MSH6: variants seen among roughly 807,000 people sequenced by gnomAD.
MSH6 encodes the protein mutS homolog 6.
MSH6 carries 85 observed loss-of-function variants against 119.1 expected under a neutral mutation model. That is an observed-to-expected ratio of 0.71 (90% CI 0.60 to 0.85). The LOEUF is 0.85. MSH6 is among the 40% of genes least tolerant of loss of function. The pLI is 0.00. For missense variants in MSH6, 2,163 were observed against 1,655.3 expected (o/e 1.31, Z -5.32); for synonymous variants, 830 against 586.9 (o/e 1.41, Z -5.99).
At chr2:47,804,014 T>TA (rs1669794430) in intron 5 of MSH6, among the ~76,000 whole-genome samples, 2 of 152,236 alleles carry the variant, frequency 1.3e-5, no homozygotes, top group Non-Finnish European at 2.9e-5. Context: ...ATGAAAATGT[T>TA]ACAGGTTTAT....
intron 1 of MSH6, chr2:47,783,725 AG>A (rs906581547): frequency 1.2e-4 from 56 of 463,984 alleles, no homozygotes; most frequent in Non-Finnish European, 1.8e-4. Flanking sequence ...AGAGGGCTGC[AG>A]GGGAGACGCG....
chr2:47,787,780 G>T (rs899160096), intron 1 of MSH6, among the ~76,000 whole-genome samples: 1 of 152,098 alleles, frequency 6.6e-6, no homozygotes, highest in East Asian at 1.9e-4. Flanking sequence ...CCCCATGCCT[G>T]GCTAATTTTT....
At position 47,799,164 on chromosome 2, in the gene MSH6, C is replaced by G. The variant is rs1410933611; in HGVS notation, c.1181C>G (p.Ser394Cys). Reference sequence around the variant, plus strand: ...CCTGATCACCCCGATTTTGATGCATCTACACTCTATGTGCCTGAGGATTTC... The same window carrying G: ...CCTGATCACCCCGATTTTGATGCATGTACACTCTATGTGCCTGAGGATTTC... ...RRPDHPDFDA[S>C]TLYVPEDFLN... The change falls in exon 4 of 10, where the codon TCT (serine) becomes TGT (cysteine). Residue 394 changes from serine to cysteine, a missense_variant. Coordinates refer to ENST00000234420, the MANE Select transcript of MSH6 (RefSeq NM_000179.3). 1 of 1,614,176 alleles carries G rather than the reference C, an allele frequency of 6.2e-7. No homozygotes were observed. The highest frequency in any genetic ancestry group is 1.7e-5 in the Admixed American group (1 of 60,022).
chr2:47,801,361 G>GTTTTTTTTGTTT (rs1669577614), intron 4 of MSH6: 1 of 84,402 alleles, frequency 1.2e-5, no homozygotes, highest in Non-Finnish European at 2.0e-5. Flanking sequence ...CCTTTCTTCA[G>GTTTTTTTTGTTT]TTTTTTTTTT....
At chr2:47,794,742 A>G (rs954098131) in intron 2 of MSH6, among the ~76,000 whole-genome samples, 7 of 152,146 alleles carry the variant, frequency 4.6e-5, no homozygotes. Context: ...GGACAAACTC[A>G]TATTTAATAT....
chr2:47,798,927 C>G lies in MSH6; in HGVS notation c.944C>G (p.Ser315Cys), dbSNP rs63750491. The change falls in exon 4 of 10, where the codon TCT (serine) becomes TGT (cysteine). Residue 315 changes from serine to cysteine, a missense_variant. Coordinates refer to ENST00000234420, the MANE Select transcript of MSH6 (RefSeq NM_000179.3). ...AATGGCTCTCTTAAAAGGAAAAGCT[C>G]TAGGAAGGAAACGCCCTCAGCCACC... ...TGNGSLKRKS[S>C]RKETPSATKQ... The G allele has an allele frequency of 6.2e-7, 1 of 1,613,986 alleles. No homozygotes were observed. Among genetic ancestry groups the G allele is most frequent in the Admixed American group, 1.7e-5 (1 of 59,986 alleles).
chr2:47,806,139 GTTTTAATTCCTT>G, intron 7 of MSH6, 53 bp from the exon 8 acceptor site: 2 of 1,226,948 alleles, frequency 1.6e-6, no homozygotes, highest in South Asian at 1.2e-5. Flanking sequence ...TAGCATTTTT[GTTTTAATTCCTT>G]TTTTGTTTTA....
intron 1 of MSH6, among the ~76,000 whole-genome samples, chr2:47,787,179 C>T (rs1668398387): frequency 6.6e-6 from 1 of 152,098 alleles, no homozygotes; most frequent in South Asian, 2.1e-4. Context: ...GTCCCAGCTT[C>T]TTGGGAGACT....
chr2:47,800,033 C>G lies in MSH6; in HGVS notation c.2050C>G (p.Leu684Val), dbSNP rs771445440. ...GEKSELALSA[L>V]GGCVFYLKKC... The stretch of plus-strand genomic sequence containing the variant: ...GAAAAGTGAATTGGCCCTCTCTGCT[C>G]TAGGTGGTTGTGTCTTCTACCTCAA... The change falls in exon 4 of 10, where the codon CTA (leucine) becomes GTA (valine). Residue 684 changes from leucine to valine, a missense_variant. Physicochemically the swap from Leu to Val is conservative, Grantham distance 32. Coordinates refer to ENST00000234420, the MANE Select transcript of MSH6 (RefSeq NM_000179.3). 1 of 1,614,112 alleles carries G rather than the reference C, an allele frequency of 6.2e-7. No homozygotes were observed. The highest frequency in any genetic ancestry group is 1.1e-5 in the South Asian group (1 of 91,084).
chr2:47,809,401 T>A (rs1212392332), downstream of MSH6: 6 of 690,468 alleles, frequency 8.7e-6, no homozygotes, highest in Non-Finnish European at 4.7e-6. Context: ...GAAGTAATTG[T>A]AAGAAATCAG....
In MSH6 at chr2:47,799,769, T is replaced by C. The variant is rs587779918; in HGVS notation, c.1786T>C (p.Phe596Leu). 6.2e-7 allele frequency: 1 copy of C among 1,614,206 alleles called. No homozygotes were observed. The highest frequency in any genetic ancestry group is 8.5e-7 in the Non-Finnish European group (1 of 1,180,036). ...ACACTATCCCCCAGTACAAGTTTTA[T>C]TTGAAAAAGGAAATCTCTCAAAGGA... ...VAHYPPVQVL[F>L]EKGNLSKETK... Residue 596 changes from phenylalanine (F) to leucine (L), a missense_variant, in exon 4 of 10, where the codon TTT becomes CTT. Transcript: ENST00000234420.
intron 4 of MSH6, among the ~76,000 whole-genome samples, chr2:47,803,042 G>C (rs369793091): frequency 2.8e-4 from 42 of 152,268 alleles, no homozygotes; most frequent in African/African-American, 9.6e-4. Flanking sequence ...CTCCTGCGTA[G>C]CTGGGATTAC....
At position 47,798,913 on chromosome 2, in the gene MSH6, TAAAAGG is replaced by T. The variant is rs1553412361; in HGVS notation, c.936_941del (p.Arg312_Lys313del). 2.5e-6 allele frequency: 4 copies of T among 1,614,058 alleles called. No homozygotes were observed. The highest frequency in any genetic ancestry group is 2.2e-5 in the East Asian group (1 of 44,882). On this transcript the variant is annotated inframe_deletion, in exon 4 of 10. Coordinates refer to ENST00000234420, the MANE Select transcript of MSH6 (RefSeq NM_000179.3). ...GAATGGTGACTGGAAATGGCTCTCT[TAAAAGG>T]AAAAGCTCTAGGAAGGAAACGCCCT...
At chr2:47,785,699 C>G (rs557617778) in intron 1 of MSH6, among the ~76,000 whole-genome samples, 14 of 152,266 alleles carry the variant, frequency 9.2e-5, no homozygotes, top group Middle Eastern at 3.4e-3. Context: ...GGGAACAGAG[C>G]CAGCATCCGC....
Position 47,803,460 on chromosome 2 carries a change from T to C in MSH6, c.3213T>C (p.Asp1071=), listed in dbSNP as rs534232216. 1.9e-6 allele frequency: 3 copies of C among 1,614,188 alleles called. No homozygotes were observed. Among genetic ancestry groups the C allele is most frequent in the Admixed American group, 3.3e-5 (2 of 60,020 alleles). ...TGGCTAACTATAGTCGAGGGGGTGA[T>C]GGTCCTATGTGTCGCCCAGTAATTC... ...LCLANYSRGG[D]GPMCRPVILL... Residue 1071 remains aspartate (D), a synonymous_variant, in exon 5 of 10, where the codon GAT becomes GAC. Coordinates refer to ENST00000234420, the MANE Select transcript of MSH6 (RefSeq NM_000179.3).
intron 2 of MSH6, among the ~76,000 whole-genome samples, chr2:47,793,318 C>CAAAAAAAAAA (rs34250836): frequency 2.0e-5 from 1 of 48,786 alleles, no homozygotes; most frequent in Non-Finnish European, 3.4e-5. Context: ...GAGACTGTCT[C>CAAAAAAAAAA]AAAAAAAAAA....
At position 47,798,744 on chromosome 2, in the gene MSH6, C is replaced by T. The variant is rs876659191; in HGVS notation, c.761C>T (p.Ser254Phe). Residue 254 changes from serine (S) to phenylalanine (F), a missense_variant, in exon 4 of 10, where the codon TCT (serine) becomes TTT (phenylalanine). By Grantham distance (155) the Ser-to-Phe change is radical (BLOSUM62 -2). Coordinates refer to ENST00000234420, the MANE Select transcript of MSH6 (RefSeq NM_000179.3). ...AAAAAACGAAGGGTCATATCAGATT[C>T]TGAGAGTGACATTGGTGGCTCTGAT... ...QIKKRRVISD[S>F]ESDIGGSDVE... 6.2e-7 allele frequency: 1 copy of T among 1,613,998 alleles called. No homozygotes were observed. The highest frequency in any genetic ancestry group is 8.5e-7 in the Non-Finnish European group (1 of 1,180,044).
At chr2:47,796,136 C>T (rs1669076101) in intron 3 of MSH6, 73 bp downstream of exon 3, 7 of 1,475,158 alleles carry the variant, frequency 4.7e-6, no homozygotes, top group Non-Finnish European at 6.6e-6. Flanking sequence ...GGTGTATTAA[C>T]AAGATACCTT....
downstream of MSH6, chr2:47,809,187 A>G (rs763533086): frequency 5.6e-6 from 9 of 1,602,166 alleles, no homozygotes; most frequent in East Asian, 1.1e-4. Flanking sequence ...GATAGCTGGT[A>G]TAACTTGATA....
Sources: allele counts gnomAD v4.1 joint callset (sites outside exome capture counted in the v4.1 genomes callset), GRCh38; gene constraint gnomAD v4.1.1; transcripts MANE v1.5; gene names NCBI Gene and HGNC (gene_info 2026-07-23, HGNC 2026-07-21).